The following ARHGEF4 variants were observed in gnomAD, a reference collection of about 807,000 sequenced individuals.
ARHGEF4 encodes Rho guanine nucleotide exchange factor 4, also known as APC-stimulated guanine nucleotide exchange factor 1.
ARHGEF4 carries 119 observed loss-of-function variants against 162.0 expected under a neutral mutation model. The observed-to-expected ratio is 0.73, with a 90% CI of 0.63 to 0.86. The LOEUF (loss-of-function observed/expected upper bound fraction) is 0.86. Ranked by LOEUF, ARHGEF4 falls within the 40% of genes least tolerant of loss-of-function variation. The pLI, the probability that ARHGEF4 is intolerant of heterozygous loss-of-function variation, is 0.00. For synonymous variants in ARHGEF4, 1,014 were observed against 979.9 expected (o/e 1.03, Z -0.65); for missense variants, 2,488 against 2,456.0 (o/e 1.01, Z -0.28).
intron 4 of ARHGEF4, among the ~76,000 whole-genome samples, chr2:131,013,234 G>A (rs1293015174): frequency 6.6e-6 from 1 of 152,142 alleles, no homozygotes; most frequent in Non-Finnish European, 1.5e-5. Context: ...AGATTTATTT[G>A]TATTTGTACT....
At position 131,046,528 on chromosome 2, in the gene ARHGEF4, T is replaced by C. The variant is rs1691278735; in HGVS notation, c.*339T>C. 2 of 249,074 alleles carry C rather than the reference T, an allele frequency of 8.0e-6. No homozygotes were observed. The highest frequency in any genetic ancestry group is 2.2e-5 in the African/African-American group (1 of 44,800). 15.4% of individuals were successfully genotyped at this position (249,074 alleles called of 1,614,324 possible). On this transcript the variant is annotated 3_prime_UTR_variant, in exon 14 of 14. Transcript: ENST00000409359. ...GCCCAGCTGGGGAGAAGGCGCTACC[T>C]GCGTGGGACCCTCTTCTCTGGAAAC...
At chr2:131,038,349 C>T (rs980420260) in intron 5 of ARHGEF4, among the ~76,000 whole-genome samples, 1 of 141,396 alleles carries the variant, frequency 7.1e-6, no homozygotes. Flanking sequence ...GCCCCCAGGC[C>T]CTCCCTCCTG....
intron 3 of ARHGEF4, among the ~76,000 whole-genome samples, chr2:130,943,545 T>G (rs1198519738): frequency 6.6e-6 from 1 of 152,178 alleles, no homozygotes; most frequent in Non-Finnish European, 1.5e-5. Flanking sequence ...ATTTGGGTAT[T>G]TTTTAGTTCT....
intron 4 of ARHGEF4, among the ~76,000 whole-genome samples, chr2:130,955,593 T>C (rs538365692): frequency 2.5e-4 from 38 of 152,208 alleles, no homozygotes; most frequent in Non-Finnish European, 4.9e-4. Flanking sequence ...CTCTCTTCTA[T>C]ATTTCTCTGA....
intron 1 of ARHGEF4, among the ~76,000 whole-genome samples, chr2:130,855,230 T>C (rs1681693928): frequency 6.6e-6 from 1 of 152,016 alleles, no homozygotes; most frequent in Non-Finnish European, 1.5e-5. Flanking sequence ...TTAAGGGTAC[T>C]GCCAAAAACA....
At chr2:130,886,237 T>C (rs1679510064) in intron 1 of ARHGEF4, among the ~76,000 whole-genome samples, 1 of 152,116 alleles carries the variant, frequency 6.6e-6, no homozygotes, top group Non-Finnish European at 1.5e-5. Flanking sequence ...TGCTTTGTTT[T>C]AGATTTCTGT....
chr2:130,917,141 A>C lies in ARHGEF4; in HGVS notation c.3195A>C (p.Gly1065=), dbSNP rs1466108517. 14 of 1,550,372 alleles carry C rather than the reference A, an allele frequency of 9.0e-6. No individual in the cohort carries two copies. The highest frequency in any genetic ancestry group is 1.2e-5 in the Non-Finnish European group (14 of 1,146,978). Residue 1065 remains glycine, a synonymous_variant, in exon 2 of 14, where the codon GGA becomes GGC. Coordinates refer to ENST00000409359, the MANE Select transcript of ARHGEF4 (RefSeq NM_001367493.1). ...GCAGCCCTCGGGCCCAGCAGGCTGG[A>C]ATCGCACACACCCTGCCTTCCAGCT... ...SPGSPRAQQA[G]IAHTLPSSSA... is the part of the protein sequence containing the mutation.
rs910431678 is a variant in ARHGEF4 at position 130,915,803 on chromosome 2, A to G, written c.1857A>G (p.Lys619=). The stretch of plus-strand genomic sequence containing the variant: ...CCGGGGGCCGGCAGCTGGAGCCCAA[A>G]GCAGGCGGCGAGGCCTCGAGGGGCA... ...GGAGGRQLEP[K]AGGEASRGRG... The change falls in exon 2 of 14, where the codon AAA becomes AAG. Residue 619 remains lysine (K), a synonymous_variant. Transcript: ENST00000409359. 1 of 1,524,626 alleles carries G rather than the reference A, an allele frequency of 6.6e-7. No homozygotes were observed. The highest frequency in any genetic ancestry group is 1.4e-5 in the African/African-American group (1 of 72,028). 94.4% of individuals were successfully genotyped at this position (1,524,626 alleles called of 1,614,324 possible). A position where few individuals can be genotyped will look rare whatever the true frequency, so the allele number is the denominator to read the frequency against.
chr2:130,954,556 AT>A (rs1368440640), intron 4 of ARHGEF4, among the ~76,000 whole-genome samples: 5 of 152,390 alleles, frequency 3.3e-5, no homozygotes, highest in Admixed American at 6.5e-5. Context: ...AATTAAAAAA[AT>A]AATAACAAAT....
Position 130,917,063 on chromosome 2 carries a change from T to A in ARHGEF4, c.3117T>A (p.Gly1039=). The A allele has an allele frequency of 1.3e-6, 2 of 1,550,678 alleles. No homozygotes were observed. The highest frequency in any genetic ancestry group is 1.7e-6 in the Non-Finnish European group (2 of 1,147,006). Residue 1039 remains glycine, a synonymous_variant, in exon 2 of 14, where the codon GGT becomes GGA. Coordinates refer to ENST00000409359, the MANE Select transcript of ARHGEF4 (RefSeq NM_001367493.1). ...TIKCTATQEG[G]RYLPSGIFPE... ...AGTGCACAGCCACCCAGGAAGGCGG[T>A]AGGTACCTACCTTCAGGTATCTTTC...
chr2:130,923,947 C>T lies in ARHGEF4; in HGVS notation c.3552+6449C>T, dbSNP rs371055903. Among the ~76,000 whole-genome samples the T allele has an allele frequency of 4.4e-4, 65 of 149,368 alleles. No individual in the cohort carries two copies. In the East Asian group the frequency reaches 0.011, roughly 25 times the overall value. Reference sequence around the variant, plus strand: ...CCAGGCTGGAGTGCAGTGGCACGATCTCGGCTCACTGCAAGCTCCGCCTCC... The same window carrying T: ...CCAGGCTGGAGTGCAGTGGCACGATTTCGGCTCACTGCAAGCTCCGCCTCC... On this transcript the variant is annotated intron_variant, in intron 2 of 13. Coordinates refer to ENST00000409359, the MANE Select transcript of ARHGEF4 (RefSeq NM_001367493.1).
chr2:130,914,731 C>T lies in ARHGEF4; in HGVS notation c.785C>T (p.Thr262Ile). The change falls in exon 2 of 14, where the codon ACA becomes ATA. Residue 262 changes from threonine to isoleucine, a missense_variant. By Grantham distance (89) the Thr-to-Ile change is moderately conservative. Around this residue, in one of 6 missense-constraint regions of ARHGEF4, gnomAD observed 1,642 missense variants for 1,481.5 expected, o/e 1.11. Transcript: ENST00000409359. ...VLPSRGPLDNTAPLGTRTKKE... is the reference protein window; with the variant it reads ...VLPSRGPLDNIAPLGTRTKKE... ...CCTAGCAGAGGCCCACTGGACAACA[C>T]AGCCCCTCTGGGGACCAGGACAAAG... 2 of 1,420,336 alleles carry T rather than the reference C, an allele frequency of 1.4e-6. No homozygotes were observed. Among genetic ancestry groups the T allele is most frequent in the Non-Finnish European group, 1.8e-6 (2 of 1,093,318 alleles). 88.0% of individuals were successfully genotyped at this position (1,420,336 alleles called of 1,614,324 possible).
chr2:130,961,913 G>T (rs943148165), intron 4 of ARHGEF4, among the ~76,000 whole-genome samples: 3 of 152,042 alleles, frequency 2.0e-5, no homozygotes, highest in African/African-American at 7.2e-5. Flanking sequence ...TGAGGGCTGA[G>T]GAGTGGGAGA....
intron 4 of ARHGEF4, among the ~76,000 whole-genome samples, chr2:130,986,546 T>C (rs1197626359): frequency 6.6e-6 from 1 of 152,174 alleles, no homozygotes; most frequent in Non-Finnish European, 1.5e-5. Flanking sequence ...GGCCCTGTGC[T>C]GGCCAGGTGG....
intron 2 of ARHGEF4, among the ~76,000 whole-genome samples, chr2:130,919,875 C>CA (rs199503484): frequency 0.063 from 8,664 of 138,568 alleles, 417 homozygotes; most frequent in African/African-American, 0.14. Flanking sequence ...GACTCCCTCT[C>CA]AAAAAAAAAA....
chr2:130,926,231 G>C (rs1404389048), intron 2 of ARHGEF4, among the ~76,000 whole-genome samples: 13 of 151,726 alleles, frequency 8.6e-5, no homozygotes, highest in Admixed American at 1.3e-4. Context: ...TTTCCAGTTA[G>C]ATATTCTTTA....
chr2:131,023,438 A>C (rs1298985362), intron 4 of ARHGEF4, among the ~76,000 whole-genome samples: 1 of 152,162 alleles, frequency 6.6e-6, no homozygotes, highest in Non-Finnish European at 1.5e-5. Context: ...ATCTTAAAAA[A>C]AATAGGCAAA....
intron 6 of ARHGEF4, 119 bp downstream of exon 6, chr2:131,039,151 G>A: frequency 7.5e-7 from 1 of 1,325,502 alleles, no homozygotes; most frequent in South Asian, 1.5e-5. Context: ...TGGGTGGTGG[G>A]TGTCGGGGCG....
At chr2:130,883,037 T>G (rs559713126) in intron 1 of ARHGEF4, among the ~76,000 whole-genome samples, 13 of 152,230 alleles carry the variant, frequency 8.5e-5, no homozygotes, top group African/African-American at 3.1e-4. Flanking sequence ...TTGGTGGTGA[T>G]GCATCTCCTG....
Sources: allele counts gnomAD v4.1 joint callset (sites outside exome capture counted in the v4.1 genomes callset), GRCh38; gene constraint gnomAD v4.1.1; regional missense constraint gnomAD v4.1.1; transcripts MANE v1.5; gene names NCBI Gene and HGNC (gene_info 2026-07-23, HGNC 2026-07-21).